The following SRP54 variants were observed in gnomAD, a reference collection of about 807,000 sequenced individuals.
The protein encoded by SRP54 is signal recognition particle subunit SRP54.
In SRP54, 10 loss-of-function variants were observed where a neutral mutation model predicts 64.8. The ratio of observed to expected loss-of-function variants is 0.15; its 90% CI spans 0.10 to 0.26. SRP54 has a LOEUF of 0.26. SRP54 is among the 10% of genes least tolerant of loss of function. The pLI is 1.00. For synonymous variants in SRP54, 193 were observed against 185.6 expected (o/e 1.04, Z -0.32); for missense variants, 325 against 613.7 (o/e 0.53, Z 4.97).
chr14:34,996,839 T>C (rs2044080387), intron 2 of SRP54, 52 bp downstream of exon 2: 1 of 1,253,290 alleles, frequency 8.0e-7, no homozygotes. Flanking sequence ...TCACTAGCAT[T>C]GGGAAGATGG....
rs184298955 is a variant in SRP54, at chr14:34,994,800, G to C, written c.-33-1877G>C. Among the ~76,000 whole-genome samples, 416 of 151,820 alleles carry C rather than the reference G, an allele frequency of 2.7e-3. 2 individuals carry two copies. Among genetic ancestry groups the C allele is most frequent in the African/African-American group, 9.9e-3 (408 of 41,360 alleles). Reference sequence around the variant, plus strand: ...CTTTTCTGTTTTCTTTTTTTGTGGAGACAGAGTCTCACTCTGTCACCCAGG... The same window carrying C: ...CTTTTCTGTTTTCTTTTTTTGTGGACACAGAGTCTCACTCTGTCACCCAGG... On this transcript the variant is annotated intron_variant, in intron 1 of 15. Coordinates refer to ENST00000216774, the MANE Select transcript of SRP54 (RefSeq NM_003136.4).
chr14:35,007,966 A>G (rs997296438), intron 5 of SRP54, among the ~76,000 whole-genome samples: 4 of 151,204 alleles, frequency 2.6e-5, no homozygotes, highest in Admixed American at 1.3e-4. Context: ...TATTTCTTTT[A>G]TTAAAAAAAG....
chr14:35,026,898 G>C (rs1055456309), intron 14 of SRP54, among the ~76,000 whole-genome samples: 2 of 151,982 alleles, frequency 1.3e-5, no homozygotes, highest in African/African-American at 4.8e-5. Flanking sequence ...GGCTGAGTTC[G>C]TGCCATTGCA....
At chr14:34,997,999 G>A (rs1016812783) in intron 2 of SRP54, among the ~76,000 whole-genome samples, 2 of 152,074 alleles carry the variant, frequency 1.3e-5, no homozygotes, top group African/African-American at 4.8e-5. Context: ...AACAGCTGTT[G>A]CTTAAATTGG....
At chr14:34,988,971 C>A (rs1053187595) in intron 1 of SRP54, among the ~76,000 whole-genome samples, 1 of 151,912 alleles carries the variant, frequency 6.6e-6, no homozygotes, top group Non-Finnish European at 1.5e-5. Context: ...TATTTATATC[C>A]TTAAGAAAAT....
At chr14:35,001,144 A>AATG (rs2044164257) in intron 4 of SRP54, 124 bp downstream of exon 4, 8 of 380,480 alleles carry the variant, frequency 2.1e-5, no homozygotes, top group Middle Eastern at 6.3e-4. Flanking sequence ...TTAAAATATT[A>AATG]ATGAAAGGAT....
intron 4 of SRP54, among the ~76,000 whole-genome samples, chr14:35,002,541 T>A (rs1300708518): frequency 6.6e-6 from 1 of 151,766 alleles, no homozygotes; most frequent in African/African-American, 2.4e-5. Flanking sequence ...CAAGCAATTC[T>A]CCTGCCTCAG....
At position 35,011,659 on chromosome 14, in the gene SRP54, A is replaced by C. The variant is rs140228686; in HGVS notation, c.636A>C (p.Ile212=). 1.5e-3 allele frequency: 2,249 copies of C among 1,534,698 alleles called. 3 individuals are homozygous for C. The highest frequency in any genetic ancestry group is 1.8e-3 in the Non-Finnish European group (2,056 of 1,134,604). The change falls in exon 8 of 16, where the codon ATA becomes ATC. Residue 212 remains isoleucine (I), a splice_region_variant and synonymous_variant. Coordinates refer to ENST00000216774, the MANE Select transcript of SRP54 (RefSeq NM_003136.4). ...FEEMLQVANA[I]QPDNIVYVMD... ...AAATGCTTCAAGTTGCTAATGCTAT[A>C]GTAAGTAGCTTTCAATGTAACACTA... is the stretch of plus-strand genomic sequence containing the variant.
rs986071186 is a variant in SRP54 at position 35,013,206 on chromosome 14, C to T, written c.637-140C>T. 16 of 708,226 alleles carry T rather than the reference C, an allele frequency of 2.3e-5. 1 individual carries two copies. Among genetic ancestry groups the T allele is most frequent in the South Asian group, 5.4e-5 (3 of 55,066 alleles). 43.9% of individuals were successfully genotyped at this position (708,226 alleles called of 1,614,324 possible). On this transcript the variant is annotated intron_variant, in intron 8 of 15. Coordinates refer to ENST00000216774, the MANE Select transcript of SRP54 (RefSeq NM_003136.4). ...ACTATCTCAGGTGATCCACCTGGCT[C>T]GGCCTCCCAAAGTGCTGGGATTACA...
rs760071379 is a variant in SRP54 at position 35,007,257 on chromosome 14, AT to A, written c.256-21del. On this transcript the variant is annotated intron_variant, in intron 4 of 15. Coordinates refer to ENST00000216774, the MANE Select transcript of SRP54 (RefSeq NM_003136.4). ...TTTATATGTATGTTAACCTGATTTT[AT>A]TTTTAATTTATTTTTGGTATTTAGC... The A allele has an allele frequency of 2.5e-5, 38 of 1,492,138 alleles. No homozygotes were observed. In the African/African-American group the frequency reaches 3.6e-4, roughly 14 times the overall value. The allele number at this position is 1,492,138 out of a possible 1,614,324, so 92.4% of individuals were successfully genotyped here.
chr14:35,000,807 T>C (rs2044158468), intron 3 of SRP54, 129 bp from the exon 4 acceptor site: 1 of 436,596 alleles, frequency 2.3e-6, no homozygotes, highest in Non-Finnish European at 4.1e-6. Context: ...ATTACATGCA[T>C]GTTAATTGGA....
chr14:35,026,556 CT>C (rs2044629285), intron 14 of SRP54, among the ~76,000 whole-genome samples: 1 of 152,102 alleles, frequency 6.6e-6, no homozygotes, highest in African/African-American at 2.4e-5. Flanking sequence ...ATTGACTGCC[CT>C]TTTTACTATG....
chr14:35,006,115 A>G (rs2044253457), intron 4 of SRP54, among the ~76,000 whole-genome samples: 1 of 152,208 alleles, frequency 6.6e-6, no homozygotes. Flanking sequence ...CTGGGATTAC[A>G]GGCATGAGCC....
intron 11 of SRP54, among the ~76,000 whole-genome samples, chr14:35,017,550 T>C (rs2044463664): frequency 6.6e-6 from 1 of 152,228 alleles, no homozygotes; most frequent in Non-Finnish European, 1.5e-5. Flanking sequence ...AACATTTCTT[T>C]TAAGATACTG....
rs1385796884 is a variant in SRP54 at position 35,013,710 on chromosome 14, A to G, written c.786-92A>G. 44 of 1,203,964 alleles carry G rather than the reference A, an allele frequency of 3.7e-5. No homozygotes were observed. In the East Asian group the frequency reaches 1.0e-3, roughly 28 times the overall value. The allele number at this position is 1,203,964 out of a possible 1,614,324, so 74.6% of individuals were successfully genotyped here. On this transcript the variant is annotated intron_variant, in intron 9 of 15. Transcript: ENST00000216774. ...TTGAGTTTTGTACCTTTGTCTAATT[A>G]GCTTTGGAGGCGGATTCACTTCGAA...
At chr14:35,014,093 A>T (rs2044398440) in intron 10 of SRP54, among the ~76,000 whole-genome samples, 191 bp downstream of exon 10, 3 of 152,106 alleles carry the variant, frequency 2.0e-5, no homozygotes, top group South Asian at 4.1e-4. Flanking sequence ...TGAGGTATCT[A>T]GTAGAAAGTT....
chr14:35,001,245 G>A (rs1022718221), intron 4 of SRP54, among the ~76,000 whole-genome samples: 3 of 140,346 alleles, frequency 2.1e-5, no homozygotes, highest in Admixed American at 7.7e-5. Context: ...TCCGCCTCCC[G>A]GGTTCAAGCA....
At chr14:35,022,351 A>C (rs989920079) in intron 13 of SRP54, among the ~76,000 whole-genome samples, 4 of 151,536 alleles carry the variant, frequency 2.6e-5, no homozygotes, top group Non-Finnish European at 5.9e-5. Flanking sequence ...TTTTGAATAT[A>C]TTCCGTATTT....
At position 35,013,852 on chromosome 14, in the gene SRP54, T is replaced by C. The variant is rs776316751; in HGVS notation, c.836T>C (p.Ile279Thr). The change falls in exon 10 of 16, where the codon ATA (isoleucine) becomes ACA (threonine). Residue 279 changes from isoleucine (I) to threonine (T), a missense_variant. By Grantham distance (89) the Ile-to-Thr change is moderately conservative (BLOSUM62 -1). This residue lies in a region of SRP54 where 146 missense variants were observed against 337.4 expected (regional missense o/e 0.43). Transcript: ENST00000216774. ...PIIFIGTGEH[I>T]DDFEPFKTQP... ...ATTTTCATTGGTACAGGGGAACATA[T>C]AGATGACTTTGAACCTTTCAAAACA... The C allele has an allele frequency of 6.2e-7, 1 of 1,614,098 alleles. No homozygotes were observed. The highest frequency in any genetic ancestry group is 8.5e-7 in the Non-Finnish European group (1 of 1,179,992).
Sources: allele counts gnomAD v4.1 joint callset (sites outside exome capture counted in the v4.1 genomes callset), GRCh38; gene constraint gnomAD v4.1.1; regional missense constraint gnomAD v4.1.1; transcripts MANE v1.5; gene names NCBI Gene and HGNC (gene_info 2026-07-23, HGNC 2026-07-21).